SLCO2B1: variants seen among roughly 807,000 people sequenced by gnomAD.
SLCO2B1 encodes solute carrier organic anion transporter family member 2B1.
Under a neutral mutation model 67.3 loss-of-function variants are expected in SLCO2B1, and 41 were observed. The observed-to-expected ratio is 0.61, with a 90% confidence interval of 0.47 to 0.79. The LOEUF (loss-of-function observed/expected upper bound fraction) is 0.79, where lower values mean the gene tolerates loss of function less well. SLCO2B1 is among the 30% of genes least tolerant of loss of function. SLCO2B1 has a pLI of 0.00. For synonymous variants in SLCO2B1, 379 were observed against 381.4 expected (o/e 0.99, Z 0.07); for missense variants, 837 against 920.1 (o/e 0.91, Z 1.17).
chr11:75,157,056 G>A (rs750836696), intron 1 of SLCO2B1: 5 of 152,658 alleles, frequency 3.3e-5, no homozygotes, highest in Middle Eastern at 3.4e-3. Flanking sequence ...ATGCAGCTCA[G>A]TAGGTCTCAA....
intron 11 of SLCO2B1, chr11:75,201,954 G>A (rs1365257868): frequency 6.6e-6 from 1 of 152,126 alleles, no homozygotes. Flanking sequence ...TGGTCCCTCT[G>A]GTGACCAAGC....
intron 8 of SLCO2B1, among the ~76,000 whole-genome samples, chr11:75,191,273 A>G (rs1182176126): frequency 6.6e-6 from 1 of 152,172 alleles, no homozygotes; most frequent in Non-Finnish European, 1.5e-5. Context: ...ACCATGCAGT[A>G]GGGGCACCTG....
At chr11:75,162,615 G>T (rs750570309) in intron 1 of SLCO2B1, 40 bp from the exon 2 acceptor site, 2 of 1,595,482 alleles carry the variant, frequency 1.3e-6, no homozygotes, top group African/African-American at 1.3e-5. Context: ...CATTCTCGGG[G>T]ATTCTATCTA....
chr11:75,185,560 G>A (rs1378745350), intron 7 of SLCO2B1, among the ~76,000 whole-genome samples: 1 of 137,986 alleles, frequency 7.2e-6, no homozygotes, highest in African/African-American at 2.7e-5. Context: ...AGGCTGGAGT[G>A]CAGTGGCATG....
chr11:75,165,651 G>A (rs1377468314), intron 3 of SLCO2B1, 136 bp from the exon 4 acceptor site: 1 of 1,034,744 alleles, frequency 9.7e-7, no homozygotes, highest in Non-Finnish European at 1.4e-6. Flanking sequence ...GGGGACCCAG[G>A]AGAGGGACCC....
intron 1 of SLCO2B1, among the ~76,000 whole-genome samples, chr11:75,162,452 A>C (rs557287258): frequency 2.6e-5 from 4 of 152,310 alleles, no homozygotes; most frequent in African/African-American, 9.6e-5. Context: ...ACAGGGATAC[A>C]CACCCTTTTA....
At chr11:75,188,501 G>A (rs773078266) in intron 8 of SLCO2B1, among the ~76,000 whole-genome samples, 3 of 152,138 alleles carry the variant, frequency 2.0e-5, no homozygotes, top group South Asian at 2.1e-4. Flanking sequence ...CGAGGTGGAC[G>A]GATCACTTGA....
In SLCO2B1 at chr11:75,188,203, T is replaced by C. The variant is rs758601411; in HGVS notation, c.1040T>C (p.Ile347Thr). The change falls in exon 8 of 14, where the codon ATT becomes ACT. Residue 347 changes from isoleucine to threonine, a missense_variant. By Grantham distance (89) the Ile-to-Thr change is moderately conservative (BLOSUM62 -1). Transcript: ENST00000289575. ...AAGAAGCAGGATGGCCTAGTCCAGATTGCACCAAACCTGACTGTGATCCAG... is the reference window on the plus strand; with the variant it reads ...AAGAAGCAGGATGGCCTAGTCCAGACTGCACCAAACCTGACTGTGATCCAG... ...STKKQDGLVQ[I>T]APNLTVIQFI... 6.2e-6 allele frequency: 10 copies of C among 1,614,072 alleles called. No individual in the cohort carries two copies. The highest frequency in any genetic ancestry group is 7.6e-6 in the Non-Finnish European group (9 of 1,179,946).
chr11:75,190,252 T>A (rs1217456522), intron 8 of SLCO2B1, among the ~76,000 whole-genome samples: 1 of 152,228 alleles, frequency 6.6e-6, no homozygotes, highest in African/African-American at 2.4e-5. Context: ...TGGTTTCAGC[T>A]TCTACATGAG....
chr11:75,161,825 A>G (rs1949825067), intron 1 of SLCO2B1, among the ~76,000 whole-genome samples: 1 of 152,290 alleles, frequency 6.6e-6, no homozygotes, highest in East Asian at 1.9e-4. Flanking sequence ...GAGTGAGCTC[A>G]GGAGACCCTG....
In SLCO2B1 at chr11:75,193,015, C is replaced by G. The variant is rs1945046954; in HGVS notation, c.1076-203C>G. ...CTGAGATTGCGCCACTGCACCCCAGCCTGGGCGACAGAGAGAGAAAAAAAA... is the reference window on the plus strand; with the variant it reads ...CTGAGATTGCGCCACTGCACCCCAGGCTGGGCGACAGAGAGAGAAAAAAAA... On this transcript the variant is annotated intron_variant, in intron 8 of 13. Transcript: ENST00000289575. The surrounding 1 kb of genome is among the most constrained non-coding windows in gnomAD (Gnocchi z 4.2). 1.3e-5 allele frequency among the ~76,000 whole-genome samples: 2 copies of G among 152,014 alleles called. No individual in the cohort carries two copies. The highest frequency in any genetic ancestry group is 2.9e-5 in the Non-Finnish European group (2 of 68,014).
At chr11:75,172,229 C>T (rs1486489892) in intron 6 of SLCO2B1, 150 bp from the exon 7 acceptor site, 1 of 667,082 alleles carries the variant, frequency 1.5e-6, no homozygotes, top group South Asian at 2.0e-5. Context: ...CAGGGTCACA[C>T]AGGACACACC....
At chr11:75,175,889 C>T (rs1950017205) in intron 7 of SLCO2B1, among the ~76,000 whole-genome samples, 1 of 152,200 alleles carries the variant, frequency 6.6e-6, no homozygotes, top group South Asian at 2.1e-4. Context: ...GGGGCAATAG[C>T]AGTCCCCACA....
In SLCO2B1 at chr11:75,196,546, G is replaced by T. The variant is rs1565549818; in HGVS notation, c.1466G>T (p.Cys489Phe). 1.2e-6 allele frequency: 2 copies of T among 1,613,920 alleles called. No individual in the cohort carries two copies. ...CCTGGGCTGGAGCTGTCTCCAAGCTGCATGGAGGCCTGCTCCTGCCCATTG... is the reference window on the plus strand; with the variant it reads ...CCTGGGCTGGAGCTGTCTCCAAGCTTCATGGAGGCCTGCTCCTGCCCATTG... ...AHPGLELSPS[C>F]MEACSCPLDG... Residue 489 changes from cysteine to phenylalanine, a missense_variant, in exon 10 of 14, where the codon TGC (cysteine) becomes TTC (phenylalanine). Physicochemically the swap from Cys to Phe is radical, Grantham distance 205. Coordinates refer to ENST00000289575, the MANE Select transcript of SLCO2B1 (RefSeq NM_007256.5).
At chr11:75,176,683 A>G (rs1458869415) in intron 7 of SLCO2B1, among the ~76,000 whole-genome samples, 2 of 152,170 alleles carry the variant, frequency 1.3e-5, no homozygotes, top group Non-Finnish European at 2.9e-5. Context: ...GGAAGACAGG[A>G]GTGTGAGGTG....
At chr11:75,202,820 A>T (rs1945202884) in intron 11 of SLCO2B1, 81 bp from the exon 12 acceptor site, 1 of 1,218,780 alleles carries the variant, frequency 8.2e-7, no homozygotes, top group East Asian at 2.3e-5. Flanking sequence ...AGGGCATAAT[A>T]AGAACCCTTC....
intron 6 of SLCO2B1, among the ~76,000 whole-genome samples, chr11:75,171,030 G>A (rs540776241): frequency 4.6e-5 from 7 of 152,332 alleles, no homozygotes; most frequent in Non-Finnish European, 7.3e-5. Context: ...AGAAGCGGAC[G>A]GGTTGGAGAG....
At position 75,165,750 on chromosome 11, in the gene SLCO2B1, C is replaced by G. The variant is rs752293172; in HGVS notation, c.286-37C>G. On this transcript the variant is annotated intron_variant, in intron 3 of 13. Coordinates refer to ENST00000289575, the MANE Select transcript of SLCO2B1 (RefSeq NM_007256.5). ...TAGTGCAGGCCCCCAGCCCTGGGAACTGTTCCACCTTAATGGGTCACCTCG... is the reference window on the plus strand; with the variant it reads ...TAGTGCAGGCCCCCAGCCCTGGGAAGTGTTCCACCTTAATGGGTCACCTCG... 4 of 1,608,162 alleles carry G rather than the reference C, an allele frequency of 2.5e-6. No individual in the cohort carries two copies. In the African/African-American group the frequency reaches 5.3e-5, roughly 21 times the overall value.
At chr11:75,156,099 C>T (rs908532485) in intron 1 of SLCO2B1, among the ~76,000 whole-genome samples, 3 of 152,212 alleles carry the variant, frequency 2.0e-5, no homozygotes, top group Admixed American at 6.5e-5. Flanking sequence ...GAGATAGACA[C>T]TGCTCACTCA....
Sources: allele counts gnomAD v4.1 joint callset (sites outside exome capture counted in the v4.1 genomes callset), GRCh38; gene constraint gnomAD v4.1.1; non-coding constraint Gnocchi (gnomAD v3.1); transcripts MANE v1.5; gene names NCBI Gene and HGNC (gene_info 2026-07-23, HGNC 2026-07-21).